Variants in MMP20 observed in about 807,000 individuals in gnomAD.
The protein encoded by MMP20 is matrix metallopeptidase 20.
A neutral mutation model predicts 51.8 loss-of-function variants in MMP20; 50 were observed. The observed-to-expected ratio is 0.97, with a 90% CI of 0.77 to 1.22. The LOEUF (loss-of-function observed/expected upper bound fraction) is 1.22, where lower values mean the gene tolerates loss of function less well. Ranked by LOEUF, MMP20 falls within the 50% of genes most tolerant of loss-of-function variation. The probability of loss-of-function intolerance (pLI) is 0.00; values close to 1 mark genes in which losing one functional copy is unlikely to be tolerated. For synonymous variants in MMP20, 244 were observed against 216.2 expected (o/e 1.13, Z -1.13); for missense variants, 663 against 601.4 (o/e 1.10, Z -1.07).
intron 8 of MMP20, among the ~76,000 whole-genome samples, chr11:102,586,042 A>G (rs1341304924): frequency 6.6e-6 from 1 of 152,104 alleles, no homozygotes; most frequent in African/African-American, 2.4e-5. Flanking sequence ...TTCACAATAG[A>G]TACTGGTCTG....
At chr11:102,590,393 G>A (rs1859303719) in intron 8 of MMP20, among the ~76,000 whole-genome samples, 1 of 152,156 alleles carries the variant, frequency 6.6e-6, no homozygotes, top group Non-Finnish European at 1.5e-5. Context: ...TTGACATTGT[G>A]GTCCTCTGTG....
At chr11:102,593,371 G>T (rs907581668) in intron 8 of MMP20, 68 bp downstream of exon 8, 5 of 1,543,736 alleles carry the variant, frequency 3.2e-6, no homozygotes, top group Non-Finnish European at 2.7e-6. Context: ...TTTCGTGGAA[G>T]GGTTTTTATC....
chr11:102,617,349 T>A (rs1859687993), intron 1 of MMP20, among the ~76,000 whole-genome samples: 2 of 152,240 alleles, frequency 1.3e-5, no homozygotes, highest in South Asian at 4.1e-4. Flanking sequence ...TACGCCTTTT[T>A]GCTTCTAATT....
At chr11:102,584,514 C>G (rs548975442) in intron 8 of MMP20, among the ~76,000 whole-genome samples, 1 of 152,104 alleles carries the variant, frequency 6.6e-6, no homozygotes, top group Non-Finnish European at 1.5e-5. Flanking sequence ...TTTATATATT[C>G]TAGACACAAG....
chr11:102,606,713 G>A, intron 5 of MMP20, 37 bp from the exon 6 acceptor site: 1 of 1,612,594 alleles, frequency 6.2e-7, no homozygotes, highest in South Asian at 1.1e-5. Context: ...ATGGTAACGG[G>A]AATTTGGAGT....
chr11:102,601,951 CT>C (rs11367730), intron 6 of MMP20, among the ~76,000 whole-genome samples: 85,584 of 122,498 alleles, frequency 0.7, 29,142 homozygotes, highest in East Asian at 0.81. Flanking sequence ...TTCTTTCTTT[CT>C]TTTTTTTTTT....
Position 102,611,874 on chromosome 11 carries a change from G to T in MMP20, c.404C>A (p.Ser135Tyr). 1 of 1,614,130 alleles carries T rather than the reference G, an allele frequency of 6.2e-7. No individual in the cohort carries two copies. Among genetic ancestry groups the T allele is most frequent in the Non-Finnish European group, 8.5e-7 (1 of 1,179,958 alleles). Reference sequence around the variant, plus strand: ...CTCCACTGCTTTGTCCACCTCGACAGAACTCATGGAAGGTGTGTATTTAGA... The same window carrying T: ...CTCCACTGCTTTGTCCACCTCGACATAACTCATGGAAGGTGTGTATTTAGA... Reference protein sequence around the residue: ...RISKYTPSMSSVEVDKAVEMA... With the variant: ...RISKYTPSMSYVEVDKAVEMA... The change falls in exon 3 of 10, where the codon TCT becomes TAT. Residue 135 changes from serine (S) to tyrosine (Y), a missense_variant. By Grantham distance (144) the Ser-to-Tyr change is moderately radical (BLOSUM62 -2). Coordinates refer to ENST00000260228, the MANE Select transcript of MMP20 (RefSeq NM_004771.4).
chr11:102,613,079 C>T (rs1024983825), intron 2 of MMP20, among the ~76,000 whole-genome samples: 16 of 152,150 alleles, frequency 1.1e-4, no homozygotes, highest in Non-Finnish European at 1.8e-4. Context: ...GCTTTAAAAA[C>T]GGAGGCTCAC....
intron 8 of MMP20, among the ~76,000 whole-genome samples, chr11:102,590,659 A>C (rs1859306670): frequency 1.3e-5 from 2 of 152,258 alleles, no homozygotes; most frequent in Admixed American, 1.3e-4. Context: ...AACTTGAGAA[A>C]TGTCTAAGAC....
At chr11:102,591,942 G>C (rs1285743772) in intron 8 of MMP20, among the ~76,000 whole-genome samples, 2 of 152,094 alleles carry the variant, frequency 1.3e-5, no homozygotes, top group African/African-American at 2.4e-5. Context: ...GTGATAAATG[G>C]GCAAGAGAGA....
intron 2 of MMP20, among the ~76,000 whole-genome samples, chr11:102,614,127 C>G (rs1200507959): frequency 6.6e-6 from 1 of 152,212 alleles, no homozygotes; most frequent in East Asian, 1.9e-4. Flanking sequence ...ATCCTCACTT[C>G]GACCCCTAAG....
intron 1 of MMP20, among the ~76,000 whole-genome samples, chr11:102,617,825 G>A (rs1183098767): frequency 1.3e-5 from 2 of 152,184 alleles, no homozygotes; most frequent in African/African-American, 4.8e-5. Context: ...AACGAGTGAT[G>A]CAGGGGCATG....
At position 102,616,849 on chromosome 11, in the gene MMP20, C is replaced by A. The variant is rs1859677977; in HGVS notation, c.337G>T (p.Gly113Cys). Residue 113 changes from glycine to cysteine, a missense_variant, in exon 2 of 10, where the codon GGT becomes TGT. Transcript: ENST00000260228. ...PDVANYRLFP[G>C]EPKWKKNTLT... ...GTATTTTTTTTCCATTTGGGTTCAC[C>A]AGGGAAGAGGCGATAATTGGCCACA... 3 of 1,614,110 alleles carry A rather than the reference C, an allele frequency of 1.9e-6. No individual in the cohort carries two copies. Among genetic ancestry groups the A allele is most frequent in the Non-Finnish European group, 2.5e-6 (3 of 1,180,018 alleles).
At chr11:102,619,245 G>C (rs1859716680) in intron 1 of MMP20, among the ~76,000 whole-genome samples, 1 of 152,068 alleles carries the variant, frequency 6.6e-6, no homozygotes, top group African/African-American at 2.4e-5. Context: ...TCAGGGTTAA[G>C]CTCCATGTAT....
chr11:102,608,328 G>C (rs1208987811), intron 5 of MMP20, among the ~76,000 whole-genome samples: 8 of 152,214 alleles, frequency 5.3e-5, no homozygotes, highest in African/African-American at 1.9e-4. Context: ...TGGATACAGA[G>C]TTTCTAATAA....
chr11:102,592,289 T>A (rs1859326847), intron 8 of MMP20, among the ~76,000 whole-genome samples: 1 of 152,202 alleles, frequency 6.6e-6, no homozygotes, highest in Non-Finnish European at 1.5e-5. Context: ...CCTAGTGGCT[T>A]AAACACTGGT....
rs190440984 is a variant in MMP20 at position 102,599,829 on chromosome 11, C to T, written c.954-5072G>A. On this transcript the variant is annotated intron_variant, in intron 6 of 9. Transcript: ENST00000260228. ...CATGAATCATCCACCTCACTGAACCCAAGAAAAATATAGTTCATACAACTA... is the reference window on the plus strand; with the variant it reads ...CATGAATCATCCACCTCACTGAACCTAAGAAAAATATAGTTCATACAACTA... Among the ~76,000 whole-genome samples the T allele has an allele frequency of 6.6e-5, 10 of 152,214 alleles. No homozygotes were observed. The East Asian group carries it at 1.9e-3, about 29-fold the overall frequency.
At position 102,606,770 on chromosome 11, in the gene MMP20, C is replaced by T. The variant is rs555131962; in HGVS notation, c.812-94G>A. On this transcript the variant is annotated intron_variant, in intron 5 of 9. Coordinates refer to ENST00000260228, the MANE Select transcript of MMP20 (RefSeq NM_004771.4). ...CCCCAGGGGAGGTTGTACACTTTCA[C>T]GCTGGACATGTGATCATGATCATGG... The T allele has an allele frequency of 4.9e-5, 70 of 1,426,114 alleles. No individual in the cohort carries two copies. The African/African-American group carries it at 5.7e-4, about 12-fold the overall frequency. 88.3% of individuals were successfully genotyped at this position (1,426,114 alleles called of 1,614,324 possible).
At chr11:102,591,541 A>G (rs1399863294) in intron 8 of MMP20, among the ~76,000 whole-genome samples, 2 of 152,222 alleles carry the variant, frequency 1.3e-5, no homozygotes, top group Non-Finnish European at 2.9e-5. Context: ...CTGTGTCTGC[A>G]TGCATTACAT....
Sources: gnomAD v4.1 joint callset for allele counts (sites outside exome capture counted in the v4.1 genomes callset) on GRCh38, gnomAD v4.1.1 for gene constraint, MANE v1.5 for transcripts, NCBI Gene and HGNC (gene_info 2026-07-23, HGNC 2026-07-21) for gene names.